The following TBXAS1 variants were observed in gnomAD, a reference collection of about 807,000 sequenced individuals.
TBXAS1 encodes the protein thromboxane A synthase 1.
In TBXAS1, 48 loss-of-function variants were observed where a neutral mutation model predicts 60.7. That is an observed-to-expected ratio of 0.79 (90% CI 0.63 to 1.01). The LOEUF (loss-of-function observed/expected upper bound fraction) is 1.01. Ranked by LOEUF, TBXAS1 falls within the 50% of genes least tolerant of loss-of-function variation. TBXAS1 has a pLI of 0.00. For synonymous variants in TBXAS1, 287 were observed against 269.7 expected (o/e 1.06, Z -0.63); for missense variants, 685 against 686.3 (o/e 1.00, Z 0.02).
chr7:139,905,593 C>G (rs1394222844), intron 3 of TBXAS1, among the ~76,000 whole-genome samples: 3 of 152,090 alleles, frequency 2.0e-5, no homozygotes, highest in African/African-American at 7.2e-5. Flanking sequence ...CGGTTGCATC[C>G]TTTCCTGGTT....
chr7:139,953,802 A>G (rs1329885525), intron 6 of TBXAS1, among the ~76,000 whole-genome samples: 1 of 152,252 alleles, frequency 6.6e-6, no homozygotes, highest in Non-Finnish European at 1.5e-5. Flanking sequence ...ACCTCAGCCC[A>G]GAAGCTATAA....
At chr7:139,984,921 AAGGAAAGAAAGAAAG>A (rs1250619548) in intron 9 of TBXAS1, among the ~76,000 whole-genome samples, 2 of 88,194 alleles carry the variant, frequency 2.3e-5, no homozygotes, top group Non-Finnish European at 4.4e-5. Flanking sequence ...AGAAAGAAAG[AAGGAAAGAAAGAAAG>A]AAAGAAAAGA....
intron 4 of TBXAS1, among the ~76,000 whole-genome samples, chr7:139,917,384 C>T (rs1017141796): frequency 1.3e-5 from 2 of 152,072 alleles, no homozygotes; most frequent in African/African-American, 2.4e-5. Flanking sequence ...AGTGGTATGG[C>T]GAAAGGTCTT....
chr7:139,809,783 A>G (rs994587205), intron 4 of TBXAS1, among the ~76,000 whole-genome samples: 1 of 152,142 alleles, frequency 6.6e-6, no homozygotes, highest in African/African-American at 2.4e-5. Context: ...CCAAAGCTGA[A>G]TGGGTGGTGC....
intron 4 of TBXAS1, among the ~76,000 whole-genome samples, chr7:139,815,998 G>A (rs1798137058): frequency 6.6e-6 from 1 of 152,174 alleles, no homozygotes. Context: ...ACTTGTCAAG[G>A]GAGGGATCTG....
At chr7:139,935,423 A>G (rs548205494) in intron 4 of TBXAS1, among the ~76,000 whole-genome samples, 1 of 152,204 alleles carries the variant, frequency 6.6e-6, no homozygotes, top group South Asian at 2.1e-4. Flanking sequence ...TTTTCTGAAT[A>G]TTTTTGATTC....
intron 6 of TBXAS1, 78 bp downstream of exon 6, chr7:139,953,534 T>A: frequency 1.4e-6 from 2 of 1,388,728 alleles, no homozygotes; most frequent in Non-Finnish European, 2.0e-6. Context: ...TTGCTGACAA[T>A]TACCTTGGGA....
At chr7:139,927,947 CAAAT>C (rs1418551883) in intron 4 of TBXAS1, among the ~76,000 whole-genome samples, 6 of 152,236 alleles carry the variant, frequency 3.9e-5, no homozygotes, top group East Asian at 1.9e-4. Flanking sequence ...ATGCCATCTA[CAAAT>C]AAATAGAGTT....
intron 1 of TBXAS1, among the ~76,000 whole-genome samples, chr7:139,865,605 AGAG>A (rs1801295352): frequency 6.0e-5 from 3 of 50,304 alleles, no homozygotes; most frequent in African/African-American, 1.5e-4. Flanking sequence ...AGGAGGAGGA[AGAG>A]GAGGAGGAGG....
intron 5 of TBXAS1, among the ~76,000 whole-genome samples, chr7:139,951,950 A>AAAGAAAG (rs1554496762): frequency 2.4e-5 from 1 of 42,008 alleles, no homozygotes; most frequent in Admixed American, 3.2e-4. Context: ...GGAAAGAAAG[A>AAAGAAAG]AAAGAAAGAA....
chr7:139,967,683 G>A (rs1810893811), intron 9 of TBXAS1, among the ~76,000 whole-genome samples: 2 of 152,172 alleles, frequency 1.3e-5, no homozygotes, highest in South Asian at 2.1e-4. Context: ...GTCTAGGTGA[G>A]GCCTTACCCA....
intron 4 of TBXAS1, among the ~76,000 whole-genome samples, chr7:139,823,174 G>A (rs774230936): frequency 6.6e-5 from 10 of 151,776 alleles, no homozygotes; most frequent in Non-Finnish European, 1.3e-4. Context: ...CCGATCTCCT[G>A]TCCTCCTGTT....
In TBXAS1 at chr7:139,999,284, G is replaced by A. The variant is rs945414753; in HGVS notation, c.1135-7807G>A. 6.6e-6 allele frequency among the ~76,000 whole-genome samples: 1 copy of A among 152,234 alleles called. No homozygotes were observed. Among genetic ancestry groups the A allele is most frequent in the East Asian group, 1.9e-4 (1 of 5,196 alleles). On this transcript the variant is annotated intron_variant, in intron 9 of 12. Coordinates refer to ENST00000448866, the MANE Select transcript of TBXAS1 (RefSeq NM_001061.7). The surrounding 1 kb of genome is among the most constrained non-coding windows in gnomAD (Gnocchi z 4.3). ...TTACGCCTATAATCCCAGCACTTTG[G>A]GAGGCCGAGGTGGGTGAATCACCTG...
upstream of TBXAS1, among the ~76,000 whole-genome samples, chr7:139,826,446 G>C (rs1386974294): frequency 6.6e-6 from 1 of 152,158 alleles, no homozygotes; most frequent in African/African-American, 2.4e-5. Flanking sequence ...TAATACGTCT[G>C]TTAAAAACAG....
chr7:139,821,326 G>T (rs1371986510), intron 4 of TBXAS1, among the ~76,000 whole-genome samples: 5 of 152,184 alleles, frequency 3.3e-5, no homozygotes, highest in Non-Finnish European at 1.5e-5. Context: ...TGGGCAGCTG[G>T]ATATATTGGT....
At chr7:139,888,452 T>C (rs573889539) in intron 3 of TBXAS1, among the ~76,000 whole-genome samples, 1 of 152,350 alleles carries the variant, frequency 6.6e-6, no homozygotes, top group Admixed American at 6.5e-5. Flanking sequence ...TTGAGTAATT[T>C]GTCAAAATCC....
At chr7:139,783,470 T>A (rs1336974823) in intron 3 of TBXAS1, among the ~76,000 whole-genome samples, 1 of 151,992 alleles carries the variant, frequency 6.6e-6, no homozygotes, top group South Asian at 2.1e-4. Context: ...GATTTGCACA[T>A]GAGAAGCAGT....
chr7:139,798,469 G>A (rs1356437317), intron 4 of TBXAS1, among the ~76,000 whole-genome samples: 7 of 152,186 alleles, frequency 4.6e-5, no homozygotes, highest in East Asian at 1.9e-4. Context: ...CAAGGTACAC[G>A]TGGAAGCGAG....
intron 1 of TBXAS1, among the ~76,000 whole-genome samples, chr7:139,865,092 A>T (rs1283219533): frequency 6.6e-6 from 1 of 152,188 alleles, no homozygotes; most frequent in Admixed American, 6.5e-5. Context: ...GCATCAGATG[A>T]TTTCCAGCCC....
Sources: gnomAD v4.1 joint callset for allele counts (sites outside exome capture counted in the v4.1 genomes callset) on GRCh38, gnomAD v4.1.1 for gene constraint, Gnocchi (gnomAD v3.1) non-coding constraint, MANE v1.5 for transcripts, NCBI Gene and HGNC (gene_info 2026-07-23, HGNC 2026-07-21) for gene names.